GLT8D2: variants seen among roughly 807,000 people sequenced by gnomAD.
GLT8D2 encodes glycosyltransferase 8 domain containing 2.
Under a neutral mutation model 44.5 loss-of-function variants are expected in GLT8D2, and 45 were observed. The observed-to-expected ratio is 1.01, with a 90% confidence interval of 0.80 to 1.30. GLT8D2 has a LOEUF of 1.30. Among genes scored for constraint, GLT8D2 ranks in the 50% most tolerant of loss-of-function variants. The probability of loss-of-function intolerance (pLI) is 0.00; values close to 1 mark genes in which losing one functional copy is unlikely to be tolerated. For synonymous variants in GLT8D2, 156 were observed against 157.2 expected (o/e 0.99, Z 0.06); for missense variants, 400 against 430.4 (o/e 0.93, Z 0.62).
intron 3 of GLT8D2, among the ~76,000 whole-genome samples, chr12:104,018,160 C>T (rs12579643): frequency 0.066 from 9,965 of 151,840 alleles, 640 homozygotes; most frequent in African/African-American, 0.15. Context: ...TTAGTAGAAA[C>T]GGGGTTTCAC....
At position 104,033,705 on chromosome 12, in the gene GLT8D2, G is replaced by A. The variant is rs370711421; in HGVS notation, c.-163-12214C>T. 1.7e-4 allele frequency among the ~76,000 whole-genome samples: 26 copies of A among 151,988 alleles called. No homozygotes were observed. The East Asian group carries it at 3.1e-3, about 18-fold the overall frequency. ...GTGAGGGTGATGGATTTGTTAATTA[G>A]CTTGATTGTGGTAATCATTTCACAA... is the stretch of plus-strand genomic sequence containing the variant. On this transcript the variant is annotated intron_variant, in intron 1 of 10. Transcript: ENST00000360814.
intron 1 of GLT8D2, among the ~76,000 whole-genome samples, chr12:104,047,425 C>T (rs1319261503): frequency 2.0e-5 from 3 of 151,872 alleles, no homozygotes. Flanking sequence ...CTATCTCAGC[C>T]TTCCAAATAG....
intron 1 of GLT8D2, among the ~76,000 whole-genome samples, chr12:104,026,416 T>G (rs1374429845): frequency 6.6e-6 from 1 of 152,218 alleles, no homozygotes; most frequent in African/African-American, 2.4e-5. Flanking sequence ...CTTTATATTC[T>G]GGAGTATTTT....
At position 103,989,401 on chromosome 12, in the gene GLT8D2, A is replaced by G; in HGVS notation, c.*7T>C. ...TATACAGGGAATATTTTAAGGGTAG[A>G]GTTATATCAGCTATGGTGATTGAGT... is the stretch of plus-strand genomic sequence containing the variant. On this transcript the variant is annotated 3_prime_UTR_variant, in exon 11 of 11. Coordinates refer to ENST00000360814, the MANE Select transcript of GLT8D2 (RefSeq NM_001384711.1). 1.2e-5 allele frequency: 19 copies of G among 1,599,006 alleles called. No individual in the cohort carries two copies. Among genetic ancestry groups the G allele is most frequent in the Non-Finnish European group, 1.6e-5 (19 of 1,173,172 alleles).
chr12:104,030,004 A>T (rs940028576), intron 1 of GLT8D2, among the ~76,000 whole-genome samples: 13 of 152,350 alleles, frequency 8.5e-5, no homozygotes, highest in African/African-American at 3.1e-4. Flanking sequence ...TAAAATGCAT[A>T]TGGAACCGCA....
At chr12:104,031,454 C>T (rs1879245655) in intron 1 of GLT8D2, 1 of 1,612,908 alleles carries the variant, frequency 6.2e-7, no homozygotes, top group South Asian at 1.1e-5. Context: ...GAACTTGAAG[C>T]CTATCAAGCC....
intron 1 of GLT8D2, among the ~76,000 whole-genome samples, chr12:104,032,865 T>A (rs1879473758): frequency 6.9e-6 from 1 of 145,650 alleles, no homozygotes; most frequent in South Asian, 2.2e-4. Context: ...CACTCTCAGG[T>A]TCATTGCAGC....
chr12:103,999,028 G>A (rs1873859340), intron 6 of GLT8D2, among the ~76,000 whole-genome samples: 1 of 152,158 alleles, frequency 6.6e-6, no homozygotes. Flanking sequence ...ACACTCCGAG[G>A]CAGCTTTAAC....
intron 9 of GLT8D2, chr12:103,993,720 A>G (rs112987992): frequency 1.4e-5 from 6 of 426,640 alleles, no homozygotes; most frequent in African/African-American, 2.1e-5. Flanking sequence ...CTAGAGTAAC[A>G]GTGTTAATAT....
At chr12:103,991,371 A>T (rs1451678763) in intron 10 of GLT8D2, among the ~76,000 whole-genome samples, 1 of 152,142 alleles carries the variant, frequency 6.6e-6, no homozygotes, top group Non-Finnish European at 1.5e-5. Context: ...TATTTTTAGT[A>T]GAGATGGGGT....
At chr12:103,998,469 G>A (rs1471025826) in intron 6 of GLT8D2, among the ~76,000 whole-genome samples, 3 of 151,888 alleles carry the variant, frequency 2.0e-5, no homozygotes, top group Non-Finnish European at 4.4e-5. Context: ...GAGTGCAATA[G>A]TGCAATCTTG....
At chr12:104,061,453 A>C (rs1462109965) in intron 1 of GLT8D2, among the ~76,000 whole-genome samples, 2 of 152,202 alleles carry the variant, frequency 1.3e-5, no homozygotes, top group Non-Finnish European at 2.9e-5. Context: ...AGAACAAAGT[A>C]CAGTTCTTTA....
intron 10 of GLT8D2, among the ~76,000 whole-genome samples, chr12:103,989,862 GT>G (rs1337208464): frequency 1.3e-5 from 2 of 151,688 alleles, no homozygotes; most frequent in African/African-American, 2.4e-5. Flanking sequence ...AAATTATTTT[GT>G]TTCTTTATGT....
In GLT8D2 at chr12:104,003,056, G is replaced by A. The variant is rs997769734; in HGVS notation, c.284+79C>T. On this transcript the variant is annotated intron_variant, in intron 5 of 10. Coordinates refer to ENST00000360814, the MANE Select transcript of GLT8D2 (RefSeq NM_001384711.1). ...CAAGAAAGAAAGAAAAGAAGAAGAA[G>A]AGGTAGGGAGGGAGGGAGGGAGGGA... 7 of 1,034,436 alleles carry A rather than the reference G, an allele frequency of 6.8e-6. No individual in the cohort carries two copies. The African/African-American group carries it at 1.2e-4, about 17-fold the overall frequency. 64.1% of individuals were successfully genotyped at this position (1,034,436 alleles called of 1,614,324 possible). A position where few individuals can be genotyped will look rare whatever the true frequency, so the allele number is the denominator to read the frequency against.
intron 1 of GLT8D2, among the ~76,000 whole-genome samples, chr12:104,027,440 C>G (rs954870521): frequency 6.6e-6 from 1 of 152,212 alleles, no homozygotes; most frequent in South Asian, 2.1e-4. Flanking sequence ...CTAAGTCCCT[C>G]AGGCCATCCA....
At chr12:104,031,577 C>T (rs1879264341) in intron 1 of GLT8D2, 2 of 1,610,066 alleles carry the variant, frequency 1.2e-6, no homozygotes, top group East Asian at 4.5e-5. Flanking sequence ...CCCAGGAGCA[C>T]CCTCCCTGCC....
chr12:104,045,341 A>C (rs1880967360), intron 1 of GLT8D2, among the ~76,000 whole-genome samples: 1 of 151,990 alleles, frequency 6.6e-6, no homozygotes, highest in Admixed American at 6.6e-5. Context: ...AGCCCTAGTG[A>C]CTTCCGTGTG....
chr12:103,996,435 C>T (rs550596222), intron 8 of GLT8D2, among the ~76,000 whole-genome samples: 4 of 152,302 alleles, frequency 2.6e-5, no homozygotes, highest in Middle Eastern at 3.4e-3. Context: ...GACACTTGGA[C>T]ACCATGTTAT....
At chr12:103,998,634 T>G (rs1873805272) in intron 6 of GLT8D2, among the ~76,000 whole-genome samples, 1 of 152,164 alleles carries the variant, frequency 6.6e-6, no homozygotes. Context: ...GGTCTCGAAC[T>G]CCTGACCTCA....
Sources: allele counts gnomAD v4.1 joint callset (sites outside exome capture counted in the v4.1 genomes callset), GRCh38; gene constraint gnomAD v4.1.1; transcripts MANE v1.5; gene names NCBI Gene and HGNC (gene_info 2026-07-23, HGNC 2026-07-21).